CTNNA3: variants seen among roughly 807,000 people sequenced by gnomAD.
CTNNA3 encodes catenin alpha-3.
In CTNNA3, 76 loss-of-function variants were observed where a neutral mutation model predicts 95.7. The ratio of observed to expected loss-of-function variants is 0.79; its 90% CI spans 0.66 to 0.96. CTNNA3 has a LOEUF of 0.96. Ranked by LOEUF, CTNNA3 falls within the 40% of genes least tolerant of loss-of-function variation. The pLI, the probability that CTNNA3 is intolerant of heterozygous loss-of-function variation, is 0.00. For missense variants in CTNNA3, 1,191 were observed against 1,089.8 expected (o/e 1.09, Z -1.31); for synonymous variants, 431 against 374.4 (o/e 1.15, Z -1.74).
At chr10:67,552,708 G>A (rs551763116) in intron 3 of CTNNA3, among the ~76,000 whole-genome samples, 2 of 151,962 alleles carry the variant, frequency 1.3e-5, no homozygotes, top group East Asian at 1.9e-4. Flanking sequence ...TGTTGTTCCC[G>A]CCTTGTGCCC....
intron 13 of CTNNA3, among the ~76,000 whole-genome samples, chr10:66,208,101 AC>A (rs1262640718): frequency 1.3e-5 from 2 of 152,026 alleles, no homozygotes; most frequent in African/African-American, 4.8e-5. Flanking sequence ...CAATTTTCCA[AC>A]CCACTTATAG....
intron 7 of CTNNA3, among the ~76,000 whole-genome samples, chr10:66,802,199 A>T (rs1841457549): frequency 6.6e-6 from 1 of 151,842 alleles, no homozygotes; most frequent in Non-Finnish European, 1.5e-5. Flanking sequence ...TATGATAAAG[A>T]ACTACTTAAA....
At chr10:67,164,268 C>T (rs1449095027) in intron 7 of CTNNA3, among the ~76,000 whole-genome samples, 6 of 151,982 alleles carry the variant, frequency 3.9e-5, no homozygotes, top group Admixed American at 2.0e-4. Flanking sequence ...AATAAACAAA[C>T]AGCCCAATAA....
intron 13 of CTNNA3, among the ~76,000 whole-genome samples, chr10:66,121,223 T>G (rs1264034469): frequency 1.3e-5 from 2 of 152,234 alleles, no homozygotes; most frequent in African/African-American, 2.4e-5. Flanking sequence ...ATGTCAAGTT[T>G]CTTCACTGAA....
At chr10:66,100,844 T>A (rs1270954383) in intron 14 of CTNNA3, among the ~76,000 whole-genome samples, 2 of 152,224 alleles carry the variant, frequency 1.3e-5, no homozygotes, top group Non-Finnish European at 1.5e-5. Flanking sequence ...TTATCTTATT[T>A]GAAGTTACCA....
chr10:66,123,880 C>G (rs1362734230), intron 13 of CTNNA3, among the ~76,000 whole-genome samples: 1 of 152,158 alleles, frequency 6.6e-6, no homozygotes, highest in Non-Finnish European at 1.5e-5. Context: ...GCATACAGCA[C>G]AGGGACCCTG....
At chr10:67,239,494 T>C (rs1392592645) in intron 5 of CTNNA3, among the ~76,000 whole-genome samples, 1 of 152,168 alleles carries the variant, frequency 6.6e-6, no homozygotes, top group Non-Finnish European at 1.5e-5. Flanking sequence ...TGGGGGGTGA[T>C]TAGAGACTAA....
intron 7 of CTNNA3, among the ~76,000 whole-genome samples, chr10:66,872,855 C>T (rs12262746): frequency 0.13 from 20,439 of 151,868 alleles, 2,095 homozygotes; most frequent in East Asian, 0.33. Flanking sequence ...CTTCCCTTCC[C>T]TGTCTAGCAG....
At chr10:67,528,120 T>C (rs1412907263) in intron 4 of CTNNA3, among the ~76,000 whole-genome samples, 1 of 152,204 alleles carries the variant, frequency 6.6e-6, no homozygotes, top group East Asian at 1.9e-4. Context: ...TTTTCTTCAG[T>C]TGATAATGTA....
chr10:67,344,886 G>A (rs192392661), intron 5 of CTNNA3, among the ~76,000 whole-genome samples: 1 of 150,856 alleles, frequency 6.6e-6, no homozygotes, highest in Non-Finnish European at 1.5e-5. Flanking sequence ...ACTAATGTGG[G>A]GTTTGCATTT....
At chr10:67,179,996 T>C (rs1862438426) in intron 7 of CTNNA3, among the ~76,000 whole-genome samples, 1 of 152,148 alleles carries the variant, frequency 6.6e-6, no homozygotes, top group Admixed American at 6.6e-5. Context: ...TCTCTTTATC[T>C]TCTTTATATT....
intron 2 of CTNNA3, among the ~76,000 whole-genome samples, chr10:67,644,132 T>C (rs909991912): frequency 5.9e-5 from 9 of 152,230 alleles, no homozygotes; most frequent in Non-Finnish European, 8.8e-5. Context: ...ATGGTTGAAC[T>C]AATTTACACT....
intron 5 of CTNNA3, among the ~76,000 whole-genome samples, chr10:67,280,628 T>C (rs1234909963): frequency 2.0e-5 from 3 of 151,922 alleles, no homozygotes; most frequent in Non-Finnish European, 2.9e-5. Context: ...AAGGTGTCAA[T>C]TCCTGGTGAC....
chr10:66,982,099 A>G (rs952854511), intron 7 of CTNNA3, among the ~76,000 whole-genome samples: 3 of 152,198 alleles, frequency 2.0e-5, no homozygotes, highest in African/African-American at 7.2e-5. Context: ...GAAAAAGGAT[A>G]AGCCATCCAA....
chr10:66,333,645 C>T (rs1428732199), intron 12 of CTNNA3, among the ~76,000 whole-genome samples: 3 of 151,764 alleles, frequency 2.0e-5, no homozygotes, highest in Non-Finnish European at 2.9e-5. Context: ...TGCTTTACTT[C>T]CAACTATGTG....
chr10:67,115,681 AAAAT>A (rs1859145896), intron 7 of CTNNA3, among the ~76,000 whole-genome samples: 1 of 151,774 alleles, frequency 6.6e-6, no homozygotes, highest in Non-Finnish European at 1.5e-5. Context: ...AATAAAAATA[AAAAT>A]AAATAAACAG....
At chr10:66,764,246 T>C (rs897983196) in intron 9 of CTNNA3, among the ~76,000 whole-genome samples, 6 of 152,164 alleles carry the variant, frequency 3.9e-5, no homozygotes, top group South Asian at 4.1e-4. Flanking sequence ...AAAATTCACA[T>C]GGAATGCAGA....
At chr10:66,807,776 C>T (rs1388825138) in intron 7 of CTNNA3, among the ~76,000 whole-genome samples, 1 of 152,104 alleles carries the variant, frequency 6.6e-6, no homozygotes, top group South Asian at 2.1e-4. Flanking sequence ...CCTGTTTCTT[C>T]CTCAGAAAGT....
chr10:66,316,230 T>C (rs1427630714), intron 12 of CTNNA3, among the ~76,000 whole-genome samples: 1 of 152,052 alleles, frequency 6.6e-6, no homozygotes. Context: ...AGGTAGTGGG[T>C]TAAATCTAAG....
Sources: gnomAD v4.1 joint callset for allele counts (sites outside exome capture counted in the v4.1 genomes callset) on GRCh38, gnomAD v4.1.1 for gene constraint, MANE v1.5 for transcripts, NCBI Gene and HGNC (gene_info 2026-07-23, HGNC 2026-07-21) for gene names.